Variants in E2F3 observed in about 807,000 individuals in gnomAD.
E2F3 encodes transcription factor E2F3.
A neutral mutation model predicts 44.4 loss-of-function variants in E2F3; 11 were observed. The observed-to-expected ratio is 0.25, with a 90% CI of 0.16 to 0.41. The LOEUF (loss-of-function observed/expected upper bound fraction) is 0.41. Ranked by LOEUF, E2F3 falls within the 10% of genes least tolerant of loss-of-function variation. E2F3 has a pLI of 1.00. For synonymous variants in E2F3, 249 were observed against 253.0 expected, an observed-to-expected ratio of 0.98 and a Z score of 0.15; for missense variants, 487 against 583.6, an observed-to-expected ratio of 0.83 and a Z score of 1.70.
At chr6:20,442,113 G>A (rs775106635) in intron 1 of E2F3, among the ~76,000 whole-genome samples, 1 of 151,962 alleles carries the variant, frequency 6.6e-6, no homozygotes, top group Non-Finnish European at 1.5e-5. Context: ...GCTTTGGCTA[G>A]AGAAAGGAGC....
intron 1 of E2F3, among the ~76,000 whole-genome samples, chr6:20,413,539 A>G (rs1045749245): frequency 1.3e-5 from 2 of 152,214 alleles, no homozygotes; most frequent in Non-Finnish European, 2.9e-5. Flanking sequence ...GGGTCTCCCA[A>G]AACTTAAAAG....
chr6:20,426,891 T>C (rs192897661), intron 1 of E2F3, among the ~76,000 whole-genome samples: 1 of 152,370 alleles, frequency 6.6e-6, no homozygotes, highest in East Asian at 1.9e-4. Flanking sequence ...TCCACTGTGC[T>C]GATATCTGTT....
intron 1 of E2F3, among the ~76,000 whole-genome samples, chr6:20,454,308 C>G (rs1444048492): frequency 6.6e-6 from 1 of 152,226 alleles, no homozygotes; most frequent in Non-Finnish European, 1.5e-5. Context: ...TCTGAGCATG[C>G]TCAAGATTGA....
At chr6:20,481,855 A>G (rs1278543203) in intron 3 of E2F3, among the ~76,000 whole-genome samples, 1 of 152,146 alleles carries the variant, frequency 6.6e-6, no homozygotes, top group Non-Finnish European at 1.5e-5. Flanking sequence ...GCATAGTTAC[A>G]GAATATCTTT....
intron 1 of E2F3, chr6:20,421,525 G>A (rs1251679008): frequency 6.6e-6 from 1 of 152,200 alleles, no homozygotes; most frequent in African/African-American, 2.4e-5. Context: ...CAGGTCTATT[G>A]TCAATGAGTG....
Position 20,491,470 on chromosome 6 carries a change from C to G in E2F3, c.*1040C>G. Reference sequence around the variant, plus strand: ...AGGGGGAGCTTGGAGCGAGTCAGTCCTGGGGCTTGCTGACATGGGTGGCCC... The same window carrying G: ...AGGGGGAGCTTGGAGCGAGTCAGTCGTGGGGCTTGCTGACATGGGTGGCCC... On this transcript the variant is annotated 3_prime_UTR_variant, in exon 7 of 7. Coordinates refer to ENST00000346618, the MANE Select transcript of E2F3 (RefSeq NM_001949.5). The G allele has an allele frequency of 4.5e-6, 1 of 222,802 alleles. No individual in the cohort carries two copies. Among genetic ancestry groups the G allele is most frequent in the Non-Finnish European group, 9.0e-6 (1 of 111,200 alleles). 13.8% of individuals were successfully genotyped at this position (222,802 alleles called of 1,614,324 possible).
chr6:20,488,822 T>C (rs1762474038), intron 6 of E2F3, among the ~76,000 whole-genome samples: 1 of 152,028 alleles, frequency 6.6e-6, no homozygotes, highest in African/African-American at 2.4e-5. Flanking sequence ...AGTGAAACCC[T>C]GTCTCTACTA....
At chr6:20,471,416 C>G (rs890642128) in intron 1 of E2F3, among the ~76,000 whole-genome samples, 1 of 152,030 alleles carries the variant, frequency 6.6e-6, no homozygotes, top group African/African-American at 2.4e-5. Flanking sequence ...AACCTTGTGT[C>G]TATTAAAAAT....
At chr6:20,486,839 C>T (rs1469238928) in intron 5 of E2F3, 36 bp downstream of exon 5, 1 of 1,381,700 alleles carries the variant, frequency 7.2e-7, no homozygotes, top group East Asian at 2.3e-5. Context: ...CTGCAAAGAT[C>T]TTTGTGGAAT....
At chr6:20,422,353 T>A (rs1226767394) in intron 1 of E2F3, among the ~76,000 whole-genome samples, 1 of 152,248 alleles carries the variant, frequency 6.6e-6, no homozygotes, top group East Asian at 1.9e-4. Flanking sequence ...GGGAATGTTG[T>A]GGCTGGTTTG....
chr6:20,445,078 T>G (rs577781159), intron 1 of E2F3: 1 of 985,432 alleles, frequency 1.0e-6, no homozygotes, highest in African/African-American at 1.7e-5. Flanking sequence ...GTCAAGTTCC[T>G]CCTCAGTCGG....
At chr6:20,422,093 T>G (rs1010094166) in intron 1 of E2F3, among the ~76,000 whole-genome samples, 10 of 152,254 alleles carry the variant, frequency 6.6e-5, no homozygotes, top group African/African-American at 2.4e-4. Context: ...TCATCTACAT[T>G]GAAGATCTGT....
At chr6:20,418,423 C>G (rs775057987) in intron 1 of E2F3, among the ~76,000 whole-genome samples, 3 of 152,120 alleles carry the variant, frequency 2.0e-5, no homozygotes, top group Non-Finnish European at 4.4e-5. Context: ...TAAGGTAGGT[C>G]TCTTGCAATT....
intron 1 of E2F3, among the ~76,000 whole-genome samples, chr6:20,425,532 G>A (rs1760186811): frequency 6.6e-6 from 1 of 152,166 alleles, no homozygotes; most frequent in South Asian, 2.1e-4. Context: ...AGGACTACAG[G>A]CGTACGCCAC....
At chr6:20,416,536 G>A (rs1759852261) in intron 1 of E2F3, among the ~76,000 whole-genome samples, 3 of 152,142 alleles carry the variant, frequency 2.0e-5, no homozygotes, top group African/African-American at 7.2e-5. Context: ...AGTATGTGGT[G>A]CTGGACCAGC....
intron 6 of E2F3, among the ~76,000 whole-genome samples, chr6:20,489,467 G>A (rs1427558135): frequency 2.0e-5 from 3 of 151,630 alleles, no homozygotes; most frequent in East Asian, 3.9e-4. Flanking sequence ...GCAAGACGCC[G>A]TCTCTTAAAA....
chr6:20,414,313 A>G (rs1469817796), intron 1 of E2F3, among the ~76,000 whole-genome samples: 1 of 152,098 alleles, frequency 6.6e-6, no homozygotes, highest in African/African-American at 2.4e-5. Flanking sequence ...TACATGCTTT[A>G]CCCCGTCTCC....
intron 1 of E2F3, among the ~76,000 whole-genome samples, chr6:20,467,214 A>G (rs1053627454): frequency 6.6e-6 from 1 of 152,196 alleles, no homozygotes. Flanking sequence ...TCCACATTAA[A>G]GGGGCGCCCC....
At chr6:20,436,429 T>C (rs991604248) in intron 1 of E2F3, among the ~76,000 whole-genome samples, 2 of 150,500 alleles carry the variant, frequency 1.3e-5, no homozygotes, top group Admixed American at 6.6e-5. Context: ...ACACTAACAC[T>C]AACAATAGCT....
Sources: gnomAD v4.1 joint callset for allele counts (sites outside exome capture counted in the v4.1 genomes callset) on GRCh38, gnomAD v4.1.1 for gene constraint, MANE v1.5 for transcripts, NCBI Gene and HGNC (gene_info 2026-07-23, HGNC 2026-07-21) for gene names.